EIF3H: variants seen among roughly 807,000 people sequenced by gnomAD.
EIF3H encodes the protein eukaryotic translation initiation factor 3 subunit H, also known as eIF-3-gamma.
EIF3H carries 26 observed loss-of-function variants against 44.2 expected under a neutral mutation model. The ratio of observed to expected loss-of-function variants is 0.59; its 90% CI spans 0.43 to 0.82. EIF3H has a LOEUF of 0.82. Ranked by LOEUF, EIF3H falls within the 40% of genes least tolerant of loss-of-function variation. The pLI is 0.00. For synonymous variants in EIF3H, 166 were observed against 151.9 expected (o/e 1.09, Z -0.68); for missense variants, 359 against 432.8 (o/e 0.83, Z 1.51).
Position 116,643,087 on chromosome 8 carries a change from T to G in EIF3H, c.*1919A>C, listed in dbSNP as rs1813248523. ...CTTGCTACTTTAAGGGTGCTTTGTT[T>G]AACTCCACAATAAGATCCCAAGTCT... On this transcript the variant is annotated 3_prime_UTR_variant, in exon 8 of 8. Transcript: ENST00000521861. 1 of 152,240 alleles carries G rather than the reference T, an allele frequency of 6.6e-6. No individual in the cohort carries two copies. Among genetic ancestry groups the G allele is most frequent in the Non-Finnish European group, 1.5e-5 (1 of 68,046 alleles). 9.4% of individuals were successfully genotyped at this position (152,240 alleles called of 1,614,324 possible). A position where few individuals can be genotyped will look rare whatever the true frequency, so the allele number is the denominator to read the frequency against.
intron 2 of EIF3H, among the ~76,000 whole-genome samples, chr8:116,683,324 G>A (rs1586454467): frequency 6.6e-6 from 1 of 152,300 alleles, no homozygotes; most frequent in South Asian, 2.1e-4. Flanking sequence ...GATCAAAGCT[G>A]CCAGCCAATT....
intron 1 of EIF3H, chr8:116,737,131 C>A: frequency 4.6e-6 from 1 of 219,130 alleles, no homozygotes. Flanking sequence ...AAAATTCACA[C>A]TACCCAATAT....
At chr8:116,737,579 C>T in intron 1 of EIF3H, 1 of 190,294 alleles carries the variant, frequency 5.3e-6, no homozygotes, top group Non-Finnish European at 1.1e-5. Flanking sequence ...ATCACTTGAA[C>T]CTGGGAGGCG....
At chr8:116,686,646 A>C (rs1160622309) in intron 2 of EIF3H, among the ~76,000 whole-genome samples, 1 of 151,852 alleles carries the variant, frequency 6.6e-6, no homozygotes, top group East Asian at 1.9e-4. Context: ...AAGCCACATA[A>C]ACAATACCAG....
At chr8:116,647,177 T>TCCGCCTCC (rs1435611854) in intron 6 of EIF3H, among the ~76,000 whole-genome samples, 1 of 151,784 alleles carries the variant, frequency 6.6e-6, no homozygotes, top group East Asian at 1.9e-4. Flanking sequence ...CCTCCGCCTC[T>TCCGCCTCC]CCGCCTCCCC....
intron 2 of EIF3H, among the ~76,000 whole-genome samples, chr8:116,717,655 C>T (rs1814677979): frequency 6.6e-6 from 1 of 152,084 alleles, no homozygotes; most frequent in East Asian, 1.9e-4. Context: ...GGAAATGACA[C>T]CCTATTCAAC....
intron 2 of EIF3H, among the ~76,000 whole-genome samples, chr8:116,717,414 G>A (rs1481997060): frequency 6.6e-6 from 1 of 151,962 alleles, no homozygotes; most frequent in Admixed American, 6.6e-5. Context: ...AAATTCATAT[G>A]GAACCAAAAA....
At chr8:116,682,019 G>T (rs967945770) in intron 2 of EIF3H, among the ~76,000 whole-genome samples, 2 of 152,170 alleles carry the variant, frequency 1.3e-5, no homozygotes, top group African/African-American at 4.8e-5. Context: ...ATGTTCCTAT[G>T]GAACTGCATC....
chr8:116,663,753 A>G (rs1476130117), intron 2 of EIF3H, among the ~76,000 whole-genome samples: 1 of 152,044 alleles, frequency 6.6e-6, no homozygotes, highest in African/African-American at 2.4e-5. Flanking sequence ...CGACATGGTG[A>G]AACCTCGTCT....
Position 116,682,730 on chromosome 8 carries a change from ATGTT to A in EIF3H, c.290-23754_290-23751del, listed in dbSNP as rs560006792. 3.7e-4 allele frequency among the ~76,000 whole-genome samples: 57 copies of A among 152,330 alleles called. No homozygotes were observed. The South Asian group carries it at 4.3e-3, about 12-fold the overall frequency. Reference sequence around the variant, plus strand: ...TAGTATGTAGCTACTTAAGCTGAGAATGTTTGGTTTATTGAGGGGTAAAAGTCTT... The same window carrying A: ...TAGTATGTAGCTACTTAAGCTGAGAATGGTTTATTGAGGGGTAAAAGTCTT... On this transcript the variant is annotated intron_variant, in intron 2 of 7. Coordinates refer to ENST00000521861, the MANE Select transcript of EIF3H (RefSeq NM_003756.3).
intron 2 of EIF3H, among the ~76,000 whole-genome samples, chr8:116,718,600 A>G (rs1476503053): frequency 6.6e-6 from 1 of 152,120 alleles, no homozygotes; most frequent in African/African-American, 2.4e-5. Context: ...AGAAATCATT[A>G]TTCTAAGTGA....
In EIF3H at chr8:116,698,716, A is replaced by G. The variant is rs181113013; in HGVS notation, c.289+27300T>C. ...AGCCTCTATTTCAAAACCTCTTGCC[A>G]CTACCAATCTCTTTCTGCAACTTAA... On this transcript the variant is annotated intron_variant, in intron 2 of 7. Transcript: ENST00000521861. Among the ~76,000 whole-genome samples, 27 of 152,322 alleles carry G rather than the reference A, an allele frequency of 1.8e-4. No homozygotes were observed. The East Asian group carries it at 2.9e-3, about 16-fold the overall frequency.
upstream of EIF3H, among the ~76,000 whole-genome samples, chr8:116,757,911 G>A (rs1208826267): frequency 2.0e-5 from 3 of 152,074 alleles, no homozygotes; most frequent in Non-Finnish European, 2.9e-5. Context: ...TAGTAAAGAC[G>A]GGGTTTTGCC....
chr8:116,678,316 G>A (rs563792917), intron 2 of EIF3H, among the ~76,000 whole-genome samples: 2 of 151,744 alleles, frequency 1.3e-5, no homozygotes, highest in Middle Eastern at 3.4e-3. Flanking sequence ...CCAGGCTGGA[G>A]TGCAGTGGCG....
intron 1 of EIF3H, among the ~76,000 whole-genome samples, chr8:116,761,423 A>G (rs1271947954): frequency 2.0e-5 from 3 of 152,160 alleles, no homozygotes; most frequent in African/African-American, 7.2e-5. Flanking sequence ...GAGGCAAGAG[A>G]ATCGCGTGAA....
upstream of EIF3H, chr8:116,755,852 A>G (rs1262383298): frequency 3.1e-6 from 5 of 1,601,646 alleles, no homozygotes; most frequent in Non-Finnish European, 3.4e-6. Context: ...GCGGAAGTAC[A>G]AGTCTCGCGT....
chr8:116,729,517 A>T (rs1367061192), intron 1 of EIF3H, among the ~76,000 whole-genome samples: 2 of 152,246 alleles, frequency 1.3e-5, no homozygotes, highest in East Asian at 3.8e-4. Flanking sequence ...TTTATGTAGT[A>T]TCAATAGAAT....
intron 2 of EIF3H, among the ~76,000 whole-genome samples, chr8:116,694,486 AT>A (rs1318193147): frequency 2.0e-5 from 3 of 152,232 alleles, no homozygotes; most frequent in Admixed American, 6.5e-5. Flanking sequence ...TAGTAAAAAA[AT>A]CATTCATATA....
chr8:116,659,676 C>T (rs925335088), intron 2 of EIF3H, among the ~76,000 whole-genome samples: 5 of 152,014 alleles, frequency 3.3e-5, no homozygotes, highest in African/African-American at 1.2e-4. Context: ...GGTTTAGTGA[C>T]TTTTACTTTT....
Sources: allele counts gnomAD v4.1 joint callset (sites outside exome capture counted in the v4.1 genomes callset), GRCh38; gene constraint gnomAD v4.1.1; transcripts MANE v1.5; gene names NCBI Gene and HGNC (gene_info 2026-07-23, HGNC 2026-07-21).